HDAC9: variants seen among roughly 807,000 people sequenced by gnomAD.
HDAC9 encodes the protein histone deacetylase 9.
HDAC9 carries 41 observed loss-of-function variants against 139.4 expected under a neutral mutation model. The ratio of observed to expected loss-of-function variants is 0.29; its 90% CI spans 0.23 to 0.38. The LOEUF (loss-of-function observed/expected upper bound fraction) is 0.38, where lower values mean the gene tolerates loss of function less well. HDAC9 is among the 10% of genes least tolerant of loss of function. The probability of loss-of-function intolerance (pLI) is 1.00; values close to 1 mark genes in which losing one functional copy is unlikely to be tolerated. For synonymous variants in HDAC9, 517 were observed against 476.2 expected, an observed-to-expected ratio of 1.09 and a Z score of -1.12; for missense variants, 1,147 against 1,297.0, an observed-to-expected ratio of 0.88 and a Z score of 1.78.
At chr7:18,320,763 C>G (rs927881423) in intron 1 of HDAC9, among the ~76,000 whole-genome samples, 1 of 152,142 alleles carries the variant, frequency 6.6e-6, no homozygotes, top group African/African-American at 2.4e-5. Context: ...TTGGACACCC[C>G]CCACCCCAGT....
intron 22 of HDAC9, among the ~76,000 whole-genome samples, chr7:18,876,703 A>AT (rs71017009): frequency 0.3 from 44,198 of 145,020 alleles, 6,984 homozygotes; most frequent in South Asian, 0.5. Flanking sequence ...ATGAGAATAG[A>AT]TTTTTTTTTT....
intron 25 of HDAC9, 110 bp from the exon 26 acceptor site, chr7:18,995,913 A>G: frequency 1.3e-6 from 1 of 748,578 alleles, no homozygotes; most frequent in Non-Finnish European, 2.2e-6. Context: ...ACTGAATAAC[A>G]CAAATAAACA....
chr7:18,664,824 A>G (rs1384397968), intron 11 of HDAC9, among the ~76,000 whole-genome samples: 1 of 152,172 alleles, frequency 6.6e-6, no homozygotes. Flanking sequence ...GAAAATAGGA[A>G]TAAGTATTTG....
At chr7:18,668,006 T>C (rs1795299518) in intron 12 of HDAC9, 2 of 974,528 alleles carry the variant, frequency 2.1e-6, no homozygotes, top group Non-Finnish European at 2.4e-6. Flanking sequence ...TTTCAAGGTG[T>C]AGTATCCTAT....
chr7:18,470,530 A>T (rs1794643428), intron 1 of HDAC9, among the ~76,000 whole-genome samples: 1 of 152,158 alleles, frequency 6.6e-6, no homozygotes, highest in African/African-American at 2.4e-5. Context: ...TAGACAGCCT[A>T]TGTGAGAATC....
chr7:18,421,200 A>G (rs1789583491), intron 1 of HDAC9, among the ~76,000 whole-genome samples: 2 of 152,196 alleles, frequency 1.3e-5, no homozygotes, highest in Non-Finnish European at 2.9e-5. Flanking sequence ...TCAAGAAATT[A>G]TTTCATATTT....
intron 1 of HDAC9, among the ~76,000 whole-genome samples, chr7:18,326,127 G>A (rs1800428985): frequency 6.6e-6 from 1 of 152,050 alleles, no homozygotes; most frequent in African/African-American, 2.4e-5. Context: ...CAGCAGAAAT[G>A]AAATTATTCA....
rs1785125583 is a variant in HDAC9 at position 18,721,309 on chromosome 7, T to A, written c.1732-6271T>A. ...TTCCCTTCTGAATTTGCTGTTTATT[T>A]TTTCATGTATGTCTTTACTTTTTAT... On this transcript the variant is annotated intron_variant, in intron 12 of 25. Coordinates refer to ENST00000686413, the MANE Select transcript of HDAC9 (RefSeq NM_178425.4). 2.0e-5 allele frequency among the ~76,000 whole-genome samples: 3 copies of A among 152,196 alleles called. No homozygotes were observed. The South Asian group carries it at 6.2e-4, about 31-fold the overall frequency.
At chr7:18,390,406 A>G (rs775760021) in intron 1 of HDAC9, among the ~76,000 whole-genome samples, 4 of 152,132 alleles carry the variant, frequency 2.6e-5, no homozygotes, top group Non-Finnish European at 5.9e-5. Flanking sequence ...ATTGGTTCCT[A>G]GAAACCCTTA....
chr7:18,666,142 C>A (rs1048754697), intron 11 of HDAC9, 71 bp from the exon 12 acceptor site: 3 of 1,437,102 alleles, frequency 2.1e-6, no homozygotes, highest in African/African-American at 2.9e-5. Flanking sequence ...TATTAGAAAT[C>A]AAAGTGTAAT....
chr7:18,436,839 G>A (rs1791247394), intron 1 of HDAC9, among the ~76,000 whole-genome samples: 1 of 152,184 alleles, frequency 6.6e-6, no homozygotes, highest in East Asian at 1.9e-4. Context: ...TAGATTTGAT[G>A]TGATGAAAAT....
intron 2 of HDAC9, among the ~76,000 whole-genome samples, chr7:18,509,045 A>G (rs1485106119): frequency 1.3e-5 from 2 of 152,238 alleles, no homozygotes; most frequent in African/African-American, 2.4e-5. Context: ...TGACACATCT[A>G]TTTTTTAAAA....
chr7:18,534,427 G>T (rs1404601517), intron 2 of HDAC9, among the ~76,000 whole-genome samples: 1 of 152,062 alleles, frequency 6.6e-6, no homozygotes, highest in Non-Finnish European at 1.5e-5. Context: ...CATGCCTGTA[G>T]TTCCTGCTAC....
At chr7:18,886,816 A>T (rs927290332) in intron 22 of HDAC9, among the ~76,000 whole-genome samples, 3 of 152,236 alleles carry the variant, frequency 2.0e-5, no homozygotes, top group African/African-American at 7.2e-5. Flanking sequence ...TGATTCTCTT[A>T]CTGTGAGTTT....
intron 24 of HDAC9, among the ~76,000 whole-genome samples, chr7:18,962,670 A>T (rs1310301822): frequency 6.6e-6 from 1 of 152,194 alleles, no homozygotes; most frequent in Non-Finnish European, 1.5e-5. Flanking sequence ...TCACATACTC[A>T]GGTGTTAGCA....
chr7:18,947,828 C>G (rs1239804368), intron 23 of HDAC9, among the ~76,000 whole-genome samples: 1 of 151,904 alleles, frequency 6.6e-6, no homozygotes, highest in Non-Finnish European at 1.5e-5. Context: ...GAGAATATTT[C>G]TCATAGTCAT....
intron 21 of HDAC9, among the ~76,000 whole-genome samples, chr7:18,855,322 G>T (rs916720680): frequency 2.0e-5 from 3 of 152,148 alleles, no homozygotes; most frequent in African/African-American, 7.2e-5. Context: ...AAGATTGACT[G>T]ATTGATTAGT....
intron 2 of HDAC9, among the ~76,000 whole-genome samples, chr7:18,164,105 G>A (rs1787839570): frequency 6.6e-6 from 1 of 152,158 alleles, no homozygotes; most frequent in Non-Finnish European, 1.5e-5. Context: ...ATTCTGCTGT[G>A]TTGACAATAA....
At chr7:18,807,262 A>G (rs1235578978) in intron 17 of HDAC9, among the ~76,000 whole-genome samples, 1 of 152,000 alleles carries the variant, frequency 6.6e-6, no homozygotes. Flanking sequence ...GTCTTTTATG[A>G]TCCTTTTTAT....
Sources: allele counts gnomAD v4.1 joint callset (sites outside exome capture counted in the v4.1 genomes callset), GRCh38; gene constraint gnomAD v4.1.1; transcripts MANE v1.5; gene names NCBI Gene and HGNC (gene_info 2026-07-23, HGNC 2026-07-21).